Variants in STOX2 observed in about 807,000 individuals in gnomAD.
STOX2 encodes storkhead-box protein 2.
A neutral mutation model predicts 60.9 loss-of-function variants in STOX2; 28 were observed. The observed-to-expected ratio is 0.46, with a 90% CI of 0.34 to 0.63. STOX2 has a LOEUF of 0.63. Ranked by LOEUF, STOX2 falls within the 30% of genes least tolerant of loss-of-function variation. The pLI, the probability that STOX2 is intolerant of heterozygous loss-of-function variation, is 0.01. For missense variants in STOX2, 1,024 were observed against 1,187.7 expected (o/e 0.86, Z 2.03); for synonymous variants, 472 against 463.9 (o/e 1.02, Z -0.22).
In STOX2 at chr4:183,868,401, G is replaced by A. The variant is rs1740619963; in HGVS notation, c.364+70346G>A. On this transcript the variant is annotated intron_variant, in intron 1 of 2. Coordinates refer to the STOX2 transcript ENST00000513034. ...TGATTGTGCCATTGCACTTCAGCCT[G>A]GGCAACAGATGGAGACTCAGTTTCT... Among the ~76,000 whole-genome samples, 4 of 152,162 alleles carry A rather than the reference G, an allele frequency of 2.6e-5. No homozygotes were observed. The South Asian group carries it at 6.2e-4, about 24-fold the overall frequency.
At chr4:183,932,085 C>G (rs1742441291) in intron 1 of STOX2, among the ~76,000 whole-genome samples, 1 of 151,886 alleles carries the variant, frequency 6.6e-6, no homozygotes, top group East Asian at 1.9e-4. Context: ...ACTCAGCTGA[C>G]TGACAGGTGT....
chr4:184,021,523 T>C lies in STOX2; in HGVS notation c.*4239T>C, dbSNP rs1166173828. The C allele has an allele frequency of 2.0e-5, 3 of 152,014 alleles. No homozygotes were observed. Among genetic ancestry groups the C allele is most frequent in the African/African-American group, 7.3e-5 (3 of 41,376 alleles). The allele number at this position is 152,014 out of a possible 1,614,324, so 9.4% of individuals were successfully genotyped here. ...GGTATCAATGGATAAAGCGGGTGATTGACAGATCCACCCAAATGCCACTGC... is the reference window on the plus strand; with the variant it reads ...GGTATCAATGGATAAAGCGGGTGATCGACAGATCCACCCAAATGCCACTGC... On this transcript the variant is annotated 3_prime_UTR_variant, in exon 4 of 4. Transcript: ENST00000308497.
chr4:183,950,319 C>T (rs1743029659), intron 1 of STOX2, among the ~76,000 whole-genome samples: 1 of 152,180 alleles, frequency 6.6e-6, no homozygotes, highest in Non-Finnish European at 1.5e-5. Flanking sequence ...TGGTCTCCGC[C>T]TTCATGGACC....
intron 1 of STOX2, among the ~76,000 whole-genome samples, chr4:183,947,017 A>G (rs914132455): frequency 6.6e-6 from 1 of 152,028 alleles, no homozygotes; most frequent in Non-Finnish European, 1.5e-5. Flanking sequence ...GGTAAGTTCT[A>G]TGCAAACACC....
Position 183,929,563 on chromosome 4 carries a change from T to G in STOX2, c.166+22607T>G, listed in dbSNP as rs76930020. ...CCTTAAGTGAGACTGAGAAAGTGAT[T>G]GAATCTCTGGCCATGGATCACACTG... On this transcript the variant is annotated intron_variant, in intron 1 of 3. Coordinates refer to ENST00000308497, the MANE Select transcript of STOX2 (RefSeq NM_020225.3). Among the ~76,000 whole-genome samples the G allele has an allele frequency of 4.6e-5, 7 of 152,322 alleles. No homozygotes were observed. In the East Asian group the frequency reaches 1.3e-3, roughly 29 times the overall value.
intron 1 of STOX2, among the ~76,000 whole-genome samples, chr4:183,897,331 ATGCCT>A (rs1741360155): frequency 6.6e-6 from 1 of 152,228 alleles, no homozygotes; most frequent in Admixed American, 6.5e-5. Context: ...CTGTGAGAGC[ATGCCT>A]GGGTGCTTCT....
intron 1 of STOX2, among the ~76,000 whole-genome samples, chr4:183,973,672 A>G (rs1395117557): frequency 6.6e-6 from 1 of 152,218 alleles, no homozygotes; most frequent in Non-Finnish European, 1.5e-5. Flanking sequence ...ATACCTGAGT[A>G]AATATAATTA....
intron 1 of STOX2, among the ~76,000 whole-genome samples, chr4:183,925,370 T>A (rs1192805584): frequency 1.3e-5 from 2 of 151,926 alleles, no homozygotes; most frequent in Non-Finnish European, 2.9e-5. Flanking sequence ...TTCGGTAGAG[T>A]TGGGGTCTTG....
chr4:183,977,893 G>GT (rs908941026), intron 1 of STOX2, among the ~76,000 whole-genome samples: 1 of 152,092 alleles, frequency 6.6e-6, no homozygotes, highest in South Asian at 2.1e-4. Context: ...CCTCTTGCCT[G>GT]TTTTTTTGAA....
At chr4:183,934,861 G>GA (rs1332235473) in intron 1 of STOX2, among the ~76,000 whole-genome samples, 29 of 152,230 alleles carry the variant, frequency 1.9e-4, no homozygotes, top group African/African-American at 6.0e-4. Context: ...GTCTTCACCA[G>GA]AAAATGCAGG....
At position 184,022,550 on chromosome 4, in the gene STOX2, A is replaced by T. The variant is rs1734629515; in HGVS notation, c.*5266A>T. ...ATGTGGACACACACACACACACATC[A>T]TGCCAAGGAGGGAATGGGGTGTTTC... is the stretch of plus-strand genomic sequence containing the variant. On this transcript the variant is annotated 3_prime_UTR_variant, in exon 4 of 4. Transcript: ENST00000308497. 6.6e-6 allele frequency: 1 copy of T among 152,152 alleles called. No individual in the cohort carries two copies. The highest frequency in any genetic ancestry group is 1.5e-5 in the Non-Finnish European group (1 of 68,058). The allele number at this position is 152,152 out of a possible 1,614,324, so 9.4% of individuals were successfully genotyped here.
chr4:183,849,528 G>A lies in STOX2; in HGVS notation c.364+51473G>A, dbSNP rs538277593. Among the ~76,000 whole-genome samples the A allele has an allele frequency of 2.6e-5, 4 of 152,344 alleles. No individual in the cohort carries two copies. The East Asian group carries it at 7.7e-4, about 29-fold the overall frequency. On this transcript the variant is annotated intron_variant, in intron 1 of 2. Coordinates refer to the STOX2 transcript ENST00000513034. Reference sequence around the variant, plus strand: ...GAAAGAAGACAATGCTGGAGGGTGAGCCTAGCTGGCTGGCTTTATCTAAAA... The same window carrying A: ...GAAAGAAGACAATGCTGGAGGGTGAACCTAGCTGGCTGGCTTTATCTAAAA...
chr4:183,882,405 T>TCTC (rs1740979124), intron 1 of STOX2, among the ~76,000 whole-genome samples: 1 of 152,184 alleles, frequency 6.6e-6, no homozygotes, highest in South Asian at 2.1e-4. Context: ...TAAAACTCCT[T>TCTC]CTCATTTCCC....
intron 1 of STOX2, among the ~76,000 whole-genome samples, chr4:183,916,066 C>G (rs764485761): frequency 1.3e-5 from 2 of 152,210 alleles, no homozygotes; most frequent in Non-Finnish European, 2.9e-5. Context: ...TGGGTTCCAC[C>G]CAGTGGATAT....
chr4:183,820,205 G>A lies in STOX2; in HGVS notation c.364+22150G>A, dbSNP rs547862931. On this transcript the variant is annotated intron_variant, in intron 1 of 2. Transcript: ENST00000513034. Reference sequence around the variant, plus strand: ...CTCCCAAAGTGCTGGGATTGTAAGCGTGAGCCACCATGCCCAGCTAGACTA... The same window carrying A: ...CTCCCAAAGTGCTGGGATTGTAAGCATGAGCCACCATGCCCAGCTAGACTA... 9.2e-5 allele frequency among the ~76,000 whole-genome samples: 14 copies of A among 152,266 alleles called. 1 individual carries two copies. Among genetic ancestry groups the A allele is most frequent in the Middle Eastern group, 6.8e-3 (2 of 294 alleles).
chr4:183,907,024 G>T (rs1348165592), intron 1 of STOX2, 68 bp downstream of exon 1: 1 of 1,385,502 alleles, frequency 7.2e-7, no homozygotes, highest in Non-Finnish European at 9.7e-7. Flanking sequence ...GCCGCGGCCC[G>T]GGTGCTTGGA....
chr4:183,848,856 A>T (rs1740045469), intron 1 of STOX2, among the ~76,000 whole-genome samples: 1 of 152,234 alleles, frequency 6.6e-6, no homozygotes, highest in Non-Finnish European at 1.5e-5. Context: ...GGTGTGTCGG[A>T]TGCTGGAACA....
intron 1 of STOX2, among the ~76,000 whole-genome samples, chr4:183,968,135 C>T (rs1025083262): frequency 1.3e-5 from 2 of 152,124 alleles, no homozygotes; most frequent in Non-Finnish European, 2.9e-5. Context: ...GTGCCCTTTT[C>T]CCTCCCATCT....
At chr4:183,922,193 G>A (rs546598766) in intron 1 of STOX2, among the ~76,000 whole-genome samples, 20 of 152,098 alleles carry the variant, frequency 1.3e-4, no homozygotes, top group East Asian at 3.9e-4. Context: ...CCTCAAATTC[G>A]CTGTTCCCTG....
Sources: allele counts gnomAD v4.1 joint callset (sites outside exome capture counted in the v4.1 genomes callset), GRCh38; gene constraint gnomAD v4.1.1; transcripts MANE v1.5; gene names NCBI Gene and HGNC (gene_info 2026-07-23, HGNC 2026-07-21).